EYA4: variants seen among roughly 807,000 people sequenced by gnomAD.
EYA4 encodes the protein protein phosphatase EYA4.
EYA4 carries 31 observed loss-of-function variants against 87.9 expected under a neutral mutation model. The observed-to-expected ratio is 0.35, with a 90% CI of 0.27 to 0.48. The LOEUF (loss-of-function observed/expected upper bound fraction) is 0.48. Ranked by LOEUF, EYA4 falls within the 20% of genes least tolerant of loss-of-function variation. EYA4 has a pLI of 0.99. For missense variants in EYA4, 678 were observed against 761.4 expected (o/e 0.89, Z 1.29); for synonymous variants, 263 against 270.6 (o/e 0.97, Z 0.28).
intron 1 of EYA4, among the ~76,000 whole-genome samples, chr6:133,270,558 A>C (rs532645810): frequency 6.6e-6 from 1 of 152,180 alleles, no homozygotes; most frequent in Non-Finnish European, 1.5e-5. Flanking sequence ...GTGGTCGTAG[A>C]TGCTATTGAT....
In EYA4 at chr6:133,438,148, G is replaced by A. The variant is rs148146855; in HGVS notation, c.84-8482G>A. ...TTTTGCTGTATTCTTAGTAGCCATA[G>A]TGTATCTCTGTTCTCTGAAGACTTT... On this transcript the variant is annotated intron_variant, in intron 3 of 19. Coordinates refer to ENST00000355286, the MANE Select transcript of EYA4 (RefSeq NM_004100.5). Among the ~76,000 whole-genome samples the A allele has an allele frequency of 6.8e-3, 1,036 of 152,132 alleles. 14 individuals carry two copies. The highest frequency in any genetic ancestry group is 0.023 in the African/African-American group (967 of 41,480).
chr6:133,514,119 G>C (rs1203528141), intron 16 of EYA4, among the ~76,000 whole-genome samples: 2 of 152,106 alleles, frequency 1.3e-5, no homozygotes, highest in Non-Finnish European at 2.9e-5. Flanking sequence ...GGATAATAAT[G>C]TTAGCAACAA....
intron 3 of EYA4, among the ~76,000 whole-genome samples, chr6:133,426,096 A>G (rs930054442): frequency 2.0e-5 from 3 of 150,846 alleles, no homozygotes; most frequent in Admixed American, 1.3e-4. Flanking sequence ...GCCTTCTTTT[A>G]TCTCCTGCAT....
chr6:133,327,745 A>C (rs1217389224), intron 2 of EYA4, among the ~76,000 whole-genome samples: 1 of 152,178 alleles, frequency 6.6e-6, no homozygotes, highest in East Asian at 1.9e-4. Flanking sequence ...TCAGAAGTAC[A>C]CGTAAGTGGA....
At chr6:133,290,998 T>A (rs1412637929) in intron 2 of EYA4, among the ~76,000 whole-genome samples, 2 of 152,160 alleles carry the variant, frequency 1.3e-5, no homozygotes, top group African/African-American at 4.8e-5. Context: ...ATCAGGGTCA[T>A]CTAAAAAAAC....
At chr6:133,383,296 C>T (rs567342963) in intron 3 of EYA4, among the ~76,000 whole-genome samples, 1 of 151,920 alleles carries the variant, frequency 6.6e-6, no homozygotes, top group Non-Finnish European at 1.5e-5. Context: ...GGGTGGATCA[C>T]CTGAGGTCAG....
At chr6:133,289,172 C>A (rs1051507170) in intron 2 of EYA4, among the ~76,000 whole-genome samples, 6 of 152,100 alleles carry the variant, frequency 3.9e-5, no homozygotes, top group African/African-American at 1.2e-4. Context: ...TAATGGAGAA[C>A]AGAAAGAAGG....
intron 13 of EYA4, among the ~76,000 whole-genome samples, chr6:133,503,136 A>T (rs533765356): frequency 8.5e-5 from 13 of 152,158 alleles, no homozygotes; most frequent in South Asian, 6.2e-4. Flanking sequence ...TGCTTTTTTT[A>T]AAAAAAATTA....
chr6:133,341,475 C>T (rs990181376), intron 2 of EYA4, among the ~76,000 whole-genome samples: 5 of 152,060 alleles, frequency 3.3e-5, no homozygotes, highest in Non-Finnish European at 5.9e-5. Context: ...GTGGATAAAA[C>T]ATTAACAGTG....
chr6:133,479,482 A>G (rs7765616), intron 11 of EYA4, among the ~76,000 whole-genome samples: 8,982 of 152,272 alleles, frequency 0.059, 862 homozygotes, highest in African/African-American at 0.2. Flanking sequence ...TTACCCATGT[A>G]AAAATTACTA....
intron 9 of EYA4, among the ~76,000 whole-genome samples, chr6:133,463,869 C>T (rs1396290819): frequency 6.6e-6 from 1 of 152,002 alleles, no homozygotes; most frequent in Non-Finnish European, 1.5e-5. Flanking sequence ...TAGCAGTGCT[C>T]TTTTTTACCT....
Position 133,510,882 on chromosome 6 carries a change from T to G in EYA4, c.1282-1839T>G, listed in dbSNP as rs550788385. Among the ~76,000 whole-genome samples the G allele has an allele frequency of 2.0e-4, 31 of 152,330 alleles. 1 individual carries two copies. The highest frequency in any genetic ancestry group is 6.7e-4 in the African/African-American group (28 of 41,578). On this transcript the variant is annotated intron_variant, in intron 14 of 19. Coordinates refer to ENST00000355286, the MANE Select transcript of EYA4 (RefSeq NM_004100.5). ...ATTTGTCTAGACTTCTCCCATTTAT[T>G]TAAGAAAGAATTGTGGAGTGATTAT...
At chr6:133,360,961 G>T (rs771509753) in intron 2 of EYA4, among the ~76,000 whole-genome samples, 1 of 152,164 alleles carries the variant, frequency 6.6e-6, no homozygotes, top group African/African-American at 2.4e-5. Flanking sequence ...ACACAGAAGC[G>T]CTTTAGACTG....
intron 1 of EYA4, among the ~76,000 whole-genome samples, chr6:133,242,469 A>G (rs1229590704): frequency 6.6e-6 from 1 of 152,050 alleles, no homozygotes; most frequent in Non-Finnish European, 1.5e-5. Flanking sequence ...AAGGCTTATA[A>G]CTTCTCCAAA....
At chr6:133,410,602 A>AGTATTTTT (rs1265048649) in intron 3 of EYA4, among the ~76,000 whole-genome samples, 2 of 85,394 alleles carry the variant, frequency 2.3e-5, no homozygotes, top group East Asian at 4.8e-4. Flanking sequence ...AAAAAAAAAA[A>AGTATTTTT]CTTCTGTATT....
chr6:133,407,288 C>T (rs1029314952), intron 3 of EYA4, among the ~76,000 whole-genome samples: 26 of 132,280 alleles, frequency 2.0e-4, no homozygotes, highest in Non-Finnish European at 3.2e-4. Flanking sequence ...ACGTATTTAT[C>T]GAAAGAGATT....
rs776882781 is a variant in EYA4 at position 133,481,558 on chromosome 6, C to A, written c.1066C>A (p.Arg356=). The change falls in exon 12 of 20, where the codon CGG becomes AGG. Residue 356 remains arginine, a synonymous_variant. Transcript: ENST00000355286. ...SSGSKSRGRG[R]KNNPSPPPDS... Reference sequence around the variant, plus strand: ...TGGGTCAAAGTCCAGAGGAAGAGGCCGGAAAAATAATCCCTCCCCGCCTCC... The same window carrying A: ...TGGGTCAAAGTCCAGAGGAAGAGGCAGGAAAAATAATCCCTCCCCGCCTCC... 6.2e-7 allele frequency: 1 copy of A among 1,613,888 alleles called. No individual in the cohort carries two copies. The highest frequency in any genetic ancestry group is 1.7e-5 in the Admixed American group (1 of 59,998).
intron 2 of EYA4, among the ~76,000 whole-genome samples, chr6:133,278,811 A>G (rs1229668216): frequency 6.6e-6 from 1 of 152,182 alleles, no homozygotes; most frequent in Non-Finnish European, 1.5e-5. Context: ...TCATAAATTT[A>G]TCTGCAGTTC....
chr6:133,363,837 C>A (rs1262415357), intron 2 of EYA4, among the ~76,000 whole-genome samples: 1 of 152,180 alleles, frequency 6.6e-6, no homozygotes, highest in Non-Finnish European at 1.5e-5. Context: ...CATTGAATAA[C>A]AAGGGAAGGG....
Sources: gnomAD v4.1 joint callset for allele counts (sites outside exome capture counted in the v4.1 genomes callset) on GRCh38, gnomAD v4.1.1 for gene constraint, MANE v1.5 for transcripts, NCBI Gene and HGNC (gene_info 2026-07-23, HGNC 2026-07-21) for gene names.